SNPH: variants seen among roughly 807,000 people sequenced by gnomAD.
SNPH encodes syntaphilin.
Under a neutral mutation model 36.8 loss-of-function variants are expected in SNPH, and 10 were observed. The ratio of observed to expected loss-of-function variants is 0.27; its 90% CI spans 0.17 to 0.46. The LOEUF (loss-of-function observed/expected upper bound fraction) is 0.46. SNPH is among the 20% of genes least tolerant of loss of function. The pLI is 1.00. For synonymous variants in SNPH, 281 were observed against 312.2 expected (o/e 0.90, Z 1.05); for missense variants, 622 against 744.0 (o/e 0.84, Z 1.91).
rs1456265835 is a variant in SNPH at position 1,277,535 on chromosome 20, ATG to A, written c.-493+10781_-493+10782del. Among the ~76,000 whole-genome samples the A allele has an allele frequency of 4.4e-4, 47 of 106,422 alleles. 1 individual carries two copies. The highest frequency in any genetic ancestry group is 1.2e-3 in the Admixed American group (11 of 9,314). 69.8% of individuals were successfully genotyped at this position (106,422 alleles called of 152,430 possible). A position where few individuals can be genotyped will look rare whatever the true frequency, so the allele number is the denominator to read the frequency against. ...TGTGTGCCTGTGTGTCTGTCTGTGC[ATG>A]TGTGTCTGTGTGTGTATCTGTGTGT... On this transcript the variant is annotated intron_variant, in intron 2 of 6. Transcript: ENST00000381867.
rs1180651471 is a variant in SNPH, at chr20:1,266,940, TC to T, written c.-493+185del. Among the ~76,000 whole-genome samples the T allele has an allele frequency of 6.6e-6, 1 of 151,302 alleles. No homozygotes were observed. Among genetic ancestry groups the T allele is most frequent in the Non-Finnish European group, 1.5e-5 (1 of 67,816 alleles). ...ACATCCCTTTAAGCGCTTCCCTCCCTCCCCCTCCCTGAAATGTAAGAATTAG... is the reference window on the plus strand; with the variant it reads ...ACATCCCTTTAAGCGCTTCCCTCCCTCCCCTCCCTGAAATGTAAGAATTAG... On this transcript the variant is annotated intron_variant, in intron 2 of 6. Transcript: ENST00000381867. This position sits in a 1 kb window ranked among gnomAD's most constrained non-coding sequence, Gnocchi z 6.0.
intron 2 of SNPH, among the ~76,000 whole-genome samples, chr20:1,272,481 T>C (rs1252386964): frequency 6.6e-6 from 1 of 152,262 alleles, no homozygotes; most frequent in Non-Finnish European, 1.5e-5. Flanking sequence ...CAAGAACATG[T>C]GCCCAATGTT....
intron 2 of SNPH, among the ~76,000 whole-genome samples, chr20:1,288,620 T>C (rs1350209841): frequency 2.8e-5 from 4 of 144,186 alleles, no homozygotes; most frequent in Non-Finnish European, 6.1e-5. Context: ...TTTCTTTTTC[T>C]TTTTTTCTTT....
intron 2 of SNPH, among the ~76,000 whole-genome samples, chr20:1,274,422 C>G (rs2088108052): frequency 6.6e-6 from 1 of 151,604 alleles, no homozygotes; most frequent in South Asian, 2.1e-4. Context: ...CACCTCATCT[C>G]TGGGCTGCTC....
intron 2 of SNPH, among the ~76,000 whole-genome samples, chr20:1,274,989 G>C (rs1214616789): frequency 6.6e-6 from 1 of 152,208 alleles, no homozygotes; most frequent in Non-Finnish European, 1.5e-5. Flanking sequence ...AGAGGGAGAA[G>C]GGGTGCGCTA....
intron 2 of SNPH, among the ~76,000 whole-genome samples, chr20:1,291,019 C>T (rs1300225585): frequency 1.3e-5 from 2 of 152,252 alleles, no homozygotes; most frequent in African/African-American, 4.8e-5. Flanking sequence ...GGAGCCTCTT[C>T]AGGTGAAATG....
In SNPH at chr20:1,304,842, A is replaced by G. The variant is rs1445902402; in HGVS notation, c.441-36A>G. ...CTTGGCGGTGACAGACCAGGCAGGCAGGCAGTGAGCGTGTGTGTGTCTCCT... is the reference window on the plus strand; with the variant it reads ...CTTGGCGGTGACAGACCAGGCAGGCGGGCAGTGAGCGTGTGTGTGTCTCCT... On this transcript the variant is annotated intron_variant, in intron 6 of 6. Coordinates refer to ENST00000381867, the MANE Select transcript of SNPH (RefSeq NM_001318234.2). This position sits in a 1 kb window ranked among gnomAD's most constrained non-coding sequence, Gnocchi z 4.3. The G allele has an allele frequency of 4.4e-6, 7 of 1,587,848 alleles. No individual in the cohort carries two copies. The highest frequency in any genetic ancestry group is 1.7e-5 in the Admixed American group (1 of 59,258).
At position 1,306,130 on chromosome 20, in the gene SNPH, A is replaced by G. The variant is rs1600268663; in HGVS notation, c.*76A>G. The stretch of plus-strand genomic sequence containing the variant: ...ATGCCGTTCCCCCCTCCCTTCTCCC[A>G]TGGGCATCATCTTATTTATTTAGTT... On this transcript the variant is annotated 3_prime_UTR_variant, in exon 7 of 7. Transcript: ENST00000381867. 1.8e-6 allele frequency: 2 copies of G among 1,138,546 alleles called. No individual in the cohort carries two copies. The highest frequency in any genetic ancestry group is 3.3e-5 in the Admixed American group (1 of 30,002). The allele number at this position is 1,138,546 out of a possible 1,614,324, so 70.5% of individuals were successfully genotyped here.
Position 1,282,240 on chromosome 20 carries a change from T to C in SNPH, c.-492-12711T>C, listed in dbSNP as rs541040796. Among the ~76,000 whole-genome samples, 8 of 152,334 alleles carry C rather than the reference T, an allele frequency of 5.3e-5. No homozygotes were observed. The South Asian group carries it at 1.0e-3, about 20-fold the overall frequency. ...TTATCAGGGAACCAGCCTAAAGAAA[T>C]AATTCTAAATATAGGAAAATAATTA... On this transcript the variant is annotated intron_variant, in intron 2 of 6. Coordinates refer to ENST00000381867, the MANE Select transcript of SNPH (RefSeq NM_001318234.2).
intron 6 of SNPH, among the ~76,000 whole-genome samples, chr20:1,302,854 A>G (rs909201698): frequency 6.6e-6 from 1 of 152,170 alleles, no homozygotes; most frequent in Non-Finnish European, 1.5e-5. Context: ...CGGCAGAGGG[A>G]GGATTTCTAT....
Position 1,308,874 on chromosome 20 carries a change from T to G in SNPH, c.*2820T>G, listed in dbSNP as rs1408968129. 2.0e-5 allele frequency: 3 copies of G among 152,124 alleles called. No homozygotes were observed. The highest frequency in any genetic ancestry group is 7.2e-5 in the African/African-American group (3 of 41,388). 9.4% of individuals were successfully genotyped at this position (152,124 alleles called of 1,614,324 possible). On this transcript the variant is annotated 3_prime_UTR_variant, in exon 7 of 7. Transcript: ENST00000381867. ...CTGAGTTCTAGGGCTCGGGCCAGAG[T>G]GGCACTACTGCCCGGCCAGTCCAGG...
chr20:1,297,981 G>A (rs1042048239), intron 5 of SNPH, among the ~76,000 whole-genome samples: 9 of 152,198 alleles, frequency 5.9e-5, no homozygotes, highest in African/African-American at 2.2e-4. Context: ...TCTTGAGTGA[G>A]GTGAACTCGG....
chr20:1,279,554 A>C (rs1338732750), intron 2 of SNPH, among the ~76,000 whole-genome samples: 1 of 151,188 alleles, frequency 6.6e-6, no homozygotes, highest in Non-Finnish European at 1.5e-5. Context: ...TTTCTTGCTC[A>C]GTGTGTATGA....
At chr20:1,277,134 A>C (rs1485098057) in intron 2 of SNPH, among the ~76,000 whole-genome samples, 2 of 152,168 alleles carry the variant, frequency 1.3e-5, no homozygotes, top group Admixed American at 1.3e-4. Flanking sequence ...GTTTAGGTTG[A>C]ATTTGGGGAA....
intron 2 of SNPH, among the ~76,000 whole-genome samples, chr20:1,278,172 CTG>C (rs565229768): frequency 6.9e-6 from 1 of 145,730 alleles, no homozygotes; most frequent in African/African-American, 2.5e-5. Flanking sequence ...GCCGGTGTGT[CTG>C]TGTGTGTGTA....
intron 6 of SNPH, among the ~76,000 whole-genome samples, 170 bp downstream of exon 6, chr20:1,300,881 T>A (rs965148302): frequency 1.3e-5 from 2 of 152,064 alleles, no homozygotes; most frequent in Admixed American, 1.3e-4. Context: ...CAGACCCTCA[T>A]CCCCAGCAGC....
intron 4 of SNPH, among the ~76,000 whole-genome samples, chr20:1,296,738 G>A (rs2088440776): frequency 6.6e-6 from 1 of 152,112 alleles, no homozygotes; most frequent in Non-Finnish European, 1.5e-5. Context: ...GGTGTCCCTT[G>A]GTTTTTACCC....
chr20:1,295,089 C>T (rs2088412452), intron 3 of SNPH, 111 bp downstream of exon 3: 1 of 152,642 alleles, frequency 6.6e-6, no homozygotes, highest in African/African-American at 2.4e-5. Flanking sequence ...TCTCCTGTAA[C>T]CCAGGCTGCT....
chr20:1,290,042 C>T (rs1036503642), intron 2 of SNPH, among the ~76,000 whole-genome samples: 6 of 151,918 alleles, frequency 3.9e-5, no homozygotes, highest in African/African-American at 1.5e-4. Flanking sequence ...GAAACCCCAT[C>T]TCTACTAAAA....
Sources: gnomAD v4.1 joint callset for allele counts (sites outside exome capture counted in the v4.1 genomes callset) on GRCh38, gnomAD v4.1.1 for gene constraint, Gnocchi (gnomAD v3.1) non-coding constraint, MANE v1.5 for transcripts, NCBI Gene and HGNC (gene_info 2026-07-23, HGNC 2026-07-21) for gene names.